MAD2L2: variants seen among roughly 807,000 people sequenced by gnomAD.
MAD2L2 encodes mitotic arrest deficient 2 like 2, also known as mitotic spindle assembly checkpoint protein MAD2B.
A neutral mutation model predicts 30.5 loss-of-function variants in MAD2L2; 17 were observed. That is an observed-to-expected ratio of 0.56 (90% CI 0.38 to 0.84). The LOEUF (loss-of-function observed/expected upper bound fraction) is 0.84. MAD2L2 is among the 40% of genes least tolerant of loss of function. MAD2L2 has a pLI of 0.00. For missense variants in MAD2L2, 213 were observed against 277.4 expected (o/e 0.77, Z 1.65); for synonymous variants, 101 against 113.9 (o/e 0.89, Z 0.72).
intron 3 of MAD2L2, 29 bp from the exon 4 acceptor site, chr1:11,677,643 GC>G: frequency 6.3e-7 from 1 of 1,595,442 alleles, no homozygotes; most frequent in Non-Finnish European, 8.6e-7. Context: ...GGCTCGTGAG[GC>G]CCAAAGCACA....
At chr1:11,691,726 GGCACATCCTCCGGCTGCCCGC>G (rs1222252620), upstream of MAD2L2, 4 of 147,490 alleles carry the variant, frequency 2.7e-5, no homozygotes, top group East Asian at 2.2e-4. Flanking sequence ...GCTCAGCCCG[GGCACATCCTCCGGCTGCCCGC>G]GCACCTCTCC....
chr1:11,683,166 A>T (rs904289698), upstream of MAD2L2, among the ~76,000 whole-genome samples: 2 of 152,218 alleles, frequency 1.3e-5, no homozygotes, highest in African/African-American at 4.8e-5. Context: ...GATGGCCTTC[A>T]GGACACAGTG....
intron 4 of MAD2L2, 65 bp from the exon 5 acceptor site, chr1:11,677,013 C>G (rs1640781634): frequency 8.3e-7 from 1 of 1,211,340 alleles, no homozygotes; most frequent in Non-Finnish European, 1.2e-6. Context: ...ACCCTGCCTC[C>G]ACCCCCTTGC....
intron 1 of MAD2L2, among the ~76,000 whole-genome samples, chr1:11,689,401 C>T (rs112352492): frequency 0.014 from 2,121 of 151,892 alleles, 45 homozygotes; most frequent in African/African-American, 0.048. Flanking sequence ...AGTTCAAGAC[C>T]GGCCTGGCCA....
At chr1:11,678,610 T>A (rs1329234888) in intron 3 of MAD2L2, among the ~76,000 whole-genome samples, 1 of 152,196 alleles carries the variant, frequency 6.6e-6, no homozygotes. Context: ...AGGAACTGTG[T>A]GGCCTCAGGC....
At chr1:11,680,842 C>T in intron 1 of MAD2L2, 197 bp downstream of exon 1, 2 of 1,216,918 alleles carry the variant, frequency 1.6e-6, no homozygotes, top group Non-Finnish European at 2.1e-6. Flanking sequence ...CCCGCTGTCT[C>T]GCGGGGTGGA....
At position 11,687,800 on chromosome 1, in the gene MAD2L2, C is replaced by T. The variant is rs6657068; in HGVS notation, c.-692+3613G>A. Among the ~76,000 whole-genome samples the T allele has an allele frequency of 0.044, 6,703 of 152,222 alleles. 504 individuals are homozygous for T. Among genetic ancestry groups the T allele is most frequent in the African/African-American group, 0.15 (6,353 of 41,494 alleles). On this transcript the variant is annotated intron_variant, in intron 1 of 10. Coordinates refer to the MAD2L2 transcript ENST00000235310. This position sits in a 1 kb window ranked among gnomAD's most constrained non-coding sequence, Gnocchi z 4.1. ...ATCCAGGTCGAATCACATATTGATA[C>T]TTCATTCCTTCGTAGAACCAAAATA...
chr1:11,675,235 G>A (rs1385863681), intron 7 of MAD2L2, 61 bp from the exon 8 acceptor site: 10 of 1,202,590 alleles, frequency 8.3e-6, no homozygotes, highest in Non-Finnish European at 1.1e-5. Context: ...CCCTCACTTT[G>A]CTGTCCCTCC....
Position 11,674,894 on chromosome 1 carries a change from G to T in MAD2L2, c.595-78C>A. ...GCTGGAGGACACAGAAGCCCCTGGT[G>T]GGCAGACCTCCACCACAGGTGGGGC... On this transcript the variant is annotated intron_variant, in intron 8 of 8. Coordinates refer to ENST00000376692, the MANE Select transcript of MAD2L2 (RefSeq NM_006341.4). The surrounding 1 kb of genome is among the most constrained non-coding windows in gnomAD (Gnocchi z 6.1). The T allele has an allele frequency of 6.5e-7, 1 of 1,536,184 alleles. No homozygotes were observed. Among genetic ancestry groups the T allele is most frequent in the Non-Finnish European group, 9.0e-7 (1 of 1,110,660 alleles).
At position 11,680,433 on chromosome 1, in the gene MAD2L2, C is replaced by G; in HGVS notation, c.79G>C (p.Val27Leu). 1 of 1,613,894 alleles carries G rather than the reference C, an allele frequency of 6.2e-7. No individual in the cohort carries two copies. The highest frequency in any genetic ancestry group is 8.5e-7 in the Non-Finnish European group (1 of 1,179,910). The change falls in exon 3 of 9, where the codon GTG (valine) becomes CTG (leucine). Residue 27 changes from valine to leucine, a missense_variant. By Grantham distance (32) the Val-to-Leu change is conservative. Transcript: ENST00000376692. ...DVLCEFLEVA[V>L]HLILYVREVY... ...TCGCGCACGTAGAGGATGAGATGCA[C>G]AGCCACCTCCAGGAACTCGCAGAGC...
upstream of MAD2L2, among the ~76,000 whole-genome samples, chr1:11,685,944 C>T (rs1272653888): frequency 6.6e-6 from 1 of 151,376 alleles, no homozygotes. Context: ...AAAGTGAGAC[C>T]CTGTCTCAAA....
chr1:11,683,213 A>G (rs2100715854), upstream of MAD2L2, among the ~76,000 whole-genome samples: 1 of 152,262 alleles, frequency 6.6e-6, no homozygotes, highest in South Asian at 2.1e-4. Context: ...CCCTCCCTCC[A>G]TGAGCTCCCA....
rs1007413546 is a variant in MAD2L2 at position 11,680,850 on chromosome 1, G to A, written c.-13+189C>T. The A allele has an allele frequency of 1.1e-5, 13 of 1,185,350 alleles. No individual in the cohort carries two copies. The African/African-American group carries it at 1.7e-4, about 16-fold the overall frequency. The allele number at this position is 1,185,350 out of a possible 1,614,324, so 73.4% of individuals were successfully genotyped here. ...CCCTCGCCCCGCTGTCTCGCGGGGT[G>A]GAAAGACCACAGCTGTGCCCCCGAA... On this transcript the variant is annotated intron_variant, in intron 1 of 8. Coordinates refer to ENST00000376692, the MANE Select transcript of MAD2L2 (RefSeq NM_006341.4).
chr1:11,678,776 G>A (rs1009397969), intron 3 of MAD2L2, among the ~76,000 whole-genome samples: 1 of 152,210 alleles, frequency 6.6e-6, no homozygotes, highest in Non-Finnish European at 1.5e-5. Context: ...GGAAAATGCA[G>A]TTAATACACA....
chr1:11,691,732 T>G (rs999436499), upstream of MAD2L2: 1 of 136,222 alleles, frequency 7.3e-6, no homozygotes, highest in African/African-American at 2.7e-5. Flanking sequence ...CCCGGGCACA[T>G]CCTCCGGCTG....
At chr1:11,680,721 G>A in intron 1 of MAD2L2, 108 bp from the exon 2 acceptor site, 5 of 1,459,664 alleles carry the variant, frequency 3.4e-6, no homozygotes, top group Non-Finnish European at 4.5e-6. Flanking sequence ...ACTGGGGAAG[G>A]ACCTCCCGCT....
At position 11,690,929 on chromosome 1, in the gene MAD2L2, A is replaced by AGTGT. The variant is rs57223755; in HGVS notation, c.-692+480_-692+483dup. Among the ~76,000 whole-genome samples the AGTGT allele has an allele frequency of 3.1e-3, 474 of 150,654 alleles. 5 individuals are homozygous for AGTGT. The highest frequency in any genetic ancestry group is 0.011 in the African/African-American group (433 of 41,020). Reference sequence around the variant, plus strand: ...CGTGGCGAGAGCCGCGCCGCGTGTGAGTGTGTGTGTGTGTGTGTTTGTGTG... The same window carrying AGTGT: ...CGTGGCGAGAGCCGCGCCGCGTGTGAGTGTGTGTGTGTGTGTGTGTGTTTGTGTG... On this transcript the variant is annotated intron_variant, in intron 1 of 10. Coordinates refer to the MAD2L2 transcript ENST00000235310. The surrounding 1 kb of genome is among the most constrained non-coding windows in gnomAD (Gnocchi z 4.2).
intron 3 of MAD2L2, among the ~76,000 whole-genome samples, chr1:11,678,990 C>G (rs1300886731): frequency 2.0e-5 from 3 of 152,128 alleles, no homozygotes; most frequent in Admixed American, 6.6e-5. Context: ...ACGGCGAAAC[C>G]TTGTCTCTAC....
rs542008105 is a variant in MAD2L2, at chr1:11,690,646, G to A, written c.-692+767C>T. On this transcript the variant is annotated intron_variant, in intron 1 of 10. Coordinates refer to the MAD2L2 transcript ENST00000235310. This position sits in a 1 kb window ranked among gnomAD's most constrained non-coding sequence, Gnocchi z 4.2. Reference sequence around the variant, plus strand: ...ACAGTCGAAATGGAAGCCACCTGGCGAGCTCAGGGCGCCAGGTGGGAGCGC... The same window carrying A: ...ACAGTCGAAATGGAAGCCACCTGGCAAGCTCAGGGCGCCAGGTGGGAGCGC... Among the ~76,000 whole-genome samples the A allele has an allele frequency of 4.6e-5, 7 of 152,270 alleles. No homozygotes were observed. The South Asian group carries it at 1.5e-3, about 32-fold the overall frequency.
Sources: gnomAD v4.1 joint callset for allele counts (sites outside exome capture counted in the v4.1 genomes callset) on GRCh38, gnomAD v4.1.1 for gene constraint, Gnocchi (gnomAD v3.1) non-coding constraint, MANE v1.5 for transcripts, NCBI Gene and HGNC (gene_info 2026-07-23, HGNC 2026-07-21) for gene names.